Variants in DCP1B observed in about 807,000 individuals in gnomAD.
DCP1B encodes the protein mRNA-decapping enzyme 1B.
DCP1B carries 47 observed loss-of-function variants against 60.5 expected under a neutral mutation model. The observed-to-expected ratio is 0.78, with a 90% CI of 0.61 to 0.99. DCP1B has a LOEUF of 0.99. DCP1B is among the 50% of genes least tolerant of loss of function. The pLI, the probability that DCP1B is intolerant of heterozygous loss-of-function variation, is 0.00. For missense variants in DCP1B, 725 were observed against 756.8 expected, an observed-to-expected ratio of 0.96 and a Z score of 0.49; for synonymous variants, 267 against 280.3, an observed-to-expected ratio of 0.95 and a Z score of 0.47.
Position 1,958,196 on chromosome 12 carries a change from C to T in DCP1B, c.523-2636G>A, listed in dbSNP as rs559718526. Reference sequence around the variant, plus strand: ...AGGAAACAGGGGAAAAGCTCCCTAACGTTGCTCTGGGCAATGACTTTTTCT... The same window carrying T: ...AGGAAACAGGGGAAAAGCTCCCTAATGTTGCTCTGGGCAATGACTTTTTCT... On this transcript the variant is annotated intron_variant, in intron 5 of 8. Transcript: ENST00000280665. Among the ~76,000 whole-genome samples the T allele has an allele frequency of 4.0e-4, 58 of 144,644 alleles. 1 individual carries two copies. The highest frequency in any genetic ancestry group is 1.5e-3 in the African/African-American group (58 of 38,544). 94.9% of individuals were successfully genotyped at this position (144,644 alleles called of 152,430 possible).
chr12:1,952,839 G>A lies in DCP1B; in HGVS notation c.1101C>T (p.Asn367=). ...GTGCTGGTGTACTAGGGTCACACTT[G>A]TTTGCTGCCCCTGGGGTACTCTGAA... ...EKLQSTPGAA[N]KCDPSTPAPA... Residue 367 remains asparagine, a synonymous_variant, in exon 7 of 9, where the codon AAC becomes AAT. Coordinates refer to ENST00000280665, the MANE Select transcript of DCP1B (RefSeq NM_152640.5). The A allele has an allele frequency of 6.2e-7, 1 of 1,614,202 alleles. No homozygotes were observed. The highest frequency in any genetic ancestry group is 8.5e-7 in the Non-Finnish European group (1 of 1,180,040).
At chr12:1,984,733 C>G (rs917257354) in intron 3 of DCP1B, among the ~76,000 whole-genome samples, 20 of 144,270 alleles carry the variant, frequency 1.4e-4, no homozygotes, top group Non-Finnish European at 3.0e-4. Flanking sequence ...TTCCTTCCAG[C>G]CTGAAGAATT....
In DCP1B at chr12:1,955,427, C is replaced by T. The variant is rs753041385; in HGVS notation, c.651+5G>A. Reference sequence around the variant, plus strand: ...ACTGAATATGACAAGCAGAGAACTCCGTACCTGGTTGGGCTGAGGTATACG... The same window carrying T: ...ACTGAATATGACAAGCAGAGAACTCTGTACCTGGTTGGGCTGAGGTATACG... On this transcript the variant is annotated splice_donor_5th_base_variant and intron_variant, in intron 6 of 8. Coordinates refer to ENST00000280665, the MANE Select transcript of DCP1B (RefSeq NM_152640.5). The T allele has an allele frequency of 8.7e-6, 14 of 1,611,780 alleles. No individual in the cohort carries two copies. The highest frequency in any genetic ancestry group is 9.3e-6 in the Non-Finnish European group (11 of 1,178,716).
In DCP1B at chr12:2,004,276, A is replaced by G; in HGVS notation, c.150+6T>C. On this transcript the variant is annotated splice_donor_region_variant and intron_variant, in intron 1 of 8. Transcript: ENST00000280665. ...GGCTGCACTGCTCCGCCGCGTCCGCACGCACCCACTCGTTGGCCCGATGGC... is the reference window on the plus strand; with the variant it reads ...GGCTGCACTGCTCCGCCGCGTCCGCGCGCACCCACTCGTTGGCCCGATGGC... 1 of 1,612,910 alleles carries G rather than the reference A, an allele frequency of 6.2e-7. No homozygotes were observed.
intron 3 of DCP1B, among the ~76,000 whole-genome samples, chr12:1,968,918 T>C (rs929938843): frequency 2.5e-4 from 38 of 152,232 alleles, no homozygotes; most frequent in African/African-American, 7.7e-4. Context: ...CTTTAGTATG[T>C]GCCTATCTAT....
chr12:1,965,960 A>G, intron 4 of DCP1B: 1 of 372,516 alleles, frequency 2.7e-6, no homozygotes, highest in South Asian at 4.0e-5. Context: ...AAACACAGCC[A>G]AGCTCAACAC....
intron 3 of DCP1B, among the ~76,000 whole-genome samples, chr12:1,968,569 G>C (rs2031515479): frequency 6.6e-6 from 1 of 151,970 alleles, no homozygotes; most frequent in Non-Finnish European, 1.5e-5. Context: ...AGATAGCATT[G>C]TTTCTACACT....
At chr12:1,979,548 G>C (rs1046491109) in intron 3 of DCP1B, among the ~76,000 whole-genome samples, 18 of 152,336 alleles carry the variant, frequency 1.2e-4, no homozygotes, top group Admixed American at 2.6e-4. Context: ...CTGACCTCAA[G>C]TGATCCGCCC....
chr12:1,985,036 A>T (rs1387675441), intron 3 of DCP1B, among the ~76,000 whole-genome samples: 9 of 139,712 alleles, frequency 6.4e-5, no homozygotes, highest in Non-Finnish European at 9.4e-5. Context: ...TTTCAAGATT[A>T]AAAAAAAAAA....
At chr12:1,956,703 C>G (rs1416673007) in intron 5 of DCP1B, among the ~76,000 whole-genome samples, 1 of 152,250 alleles carries the variant, frequency 6.6e-6, no homozygotes, top group Non-Finnish European at 1.5e-5. Flanking sequence ...CATGGACCAA[C>G]TGGCATGGCT....
intron 3 of DCP1B, among the ~76,000 whole-genome samples, chr12:1,976,337 G>A (rs751860597): frequency 6.6e-6 from 1 of 152,182 alleles, no homozygotes; most frequent in African/African-American, 2.4e-5. Flanking sequence ...GTAAGATTCA[G>A]TGACCACATT....
intron 3 of DCP1B, chr12:1,991,549 C>A: frequency 4.1e-6 from 1 of 246,814 alleles, no homozygotes; most frequent in Non-Finnish European, 8.0e-6. Flanking sequence ...GAGGTTTTTT[C>A]CTTTTTTTTT....
intron 3 of DCP1B, among the ~76,000 whole-genome samples, chr12:1,989,415 G>A (rs750069186): frequency 9.2e-5 from 14 of 151,956 alleles, no homozygotes; most frequent in Non-Finnish European, 1.3e-4. Flanking sequence ...AAAGGGAAAG[G>A]GAAAGGGAAA....
intron 6 of DCP1B, among the ~76,000 whole-genome samples, chr12:1,955,057 G>A (rs112016633): frequency 0.027 from 4,133 of 152,154 alleles, 92 homozygotes; most frequent in Middle Eastern, 0.048. Context: ...GAGTCTCACT[G>A]TGTTGCCCAG....
At chr12:1,972,119 T>G (rs2032543652) in intron 3 of DCP1B, among the ~76,000 whole-genome samples, 1 of 152,222 alleles carries the variant, frequency 6.6e-6, no homozygotes, top group Non-Finnish European at 1.5e-5. Context: ...AGGAAGGCAT[T>G]TAAGTTCCCT....
chr12:1,964,100 A>C (rs1021115311), intron 5 of DCP1B, among the ~76,000 whole-genome samples: 2 of 152,196 alleles, frequency 1.3e-5, no homozygotes, highest in Non-Finnish European at 2.9e-5. Flanking sequence ...TGAAGTTTAT[A>C]ATGTCTTGCA....
At chr12:1,965,319 T>C (rs2031256226) in intron 5 of DCP1B, among the ~76,000 whole-genome samples, 1 of 152,212 alleles carries the variant, frequency 6.6e-6, no homozygotes, top group Admixed American at 6.5e-5. Flanking sequence ...ATTGTATACA[T>C]GAAGGCTATT....
In DCP1B at chr12:1,949,337, G is replaced by T; in HGVS notation, c.1525-3C>A. On this transcript the variant is annotated splice_region_variant and splice_polypyrimidine_tract_variant and intron_variant, in intron 7 of 8. Coordinates refer to ENST00000280665, the MANE Select transcript of DCP1B (RefSeq NM_152640.5). ...GGGATGCGCTGAGGTGAGATGACCT[G>T]CTCACAGCAAATACACACAGAGAGC... The T allele has an allele frequency of 6.2e-7, 1 of 1,613,348 alleles. No homozygotes were observed. The highest frequency in any genetic ancestry group is 1.1e-5 in the South Asian group (1 of 91,070).
At chr12:1,993,200 A>G in intron 3 of DCP1B, 64 bp downstream of exon 3, 1 of 1,609,420 alleles carries the variant, frequency 6.2e-7, no homozygotes, top group Non-Finnish European at 8.5e-7. Flanking sequence ...CAAACACTGT[A>G]CAATTTTAAA....
Sources: gnomAD v4.1 joint callset for allele counts (sites outside exome capture counted in the v4.1 genomes callset) on GRCh38, gnomAD v4.1.1 for gene constraint, MANE v1.5 for transcripts, NCBI Gene and HGNC (gene_info 2026-07-23, HGNC 2026-07-21) for gene names.